MECR: variants seen among roughly 807,000 people sequenced by gnomAD.
MECR encodes the protein mitochondrial trans-2-enoyl-CoA reductase, also known as enoyl-[acyl-carrier-protein] reductase, mitochondrial.
In MECR, 37 loss-of-function variants were observed where a neutral mutation model predicts 49.1. That is an observed-to-expected ratio of 0.75 (90% CI 0.58 to 0.99). MECR has a LOEUF of 0.99. Ranked by LOEUF, MECR falls within the 50% of genes least tolerant of loss-of-function variation. The pLI, the probability that MECR is intolerant of heterozygous loss-of-function variation, is 0.00. For synonymous variants in MECR, 198 were observed against 191.1 expected, an observed-to-expected ratio of 1.04 and a Z score of -0.30; for missense variants, 470 against 479.6, an observed-to-expected ratio of 0.98 and a Z score of 0.19.
At chr1:29,175,049 T>G in the MECR span, among the ~76,000 whole-genome samples, 1 of 150,642 alleles carries the variant, frequency 6.6e-6, no homozygotes, top group Non-Finnish European at 1.5e-5. Flanking sequence ...CATACCTGTA[T>G]GTGAAAAAAA....
At chr1:29,209,107 T>C (rs1023173089) in intron 3 of MECR, among the ~76,000 whole-genome samples, 1 of 152,158 alleles carries the variant, frequency 6.6e-6, no homozygotes, top group South Asian at 2.1e-4. Context: ...GCAGGTGATA[T>C]TAGACTTTCA....
intron 7 of MECR, among the ~76,000 whole-genome samples, chr1:29,200,051 G>A (rs1160266506): frequency 6.6e-6 from 1 of 152,154 alleles, no homozygotes. Context: ...ATGAGCCACA[G>A]TGCCCAGCCA....
the MECR span, chr1:29,171,788 T>C: frequency 6.6e-6 from 1 of 152,212 alleles, no homozygotes; most frequent in Non-Finnish European, 1.5e-5. Context: ...ATCCTGTGCC[T>C]ATCTTTTAAG....
rs528776112 is a variant in MECR at position 29,207,986 on chromosome 1, T to C, written c.407-1081A>G. On this transcript the variant is annotated intron_variant, in intron 3 of 9. Coordinates refer to ENST00000263702, the MANE Select transcript of MECR (RefSeq NM_016011.5). ...CCTCATTCTTCTCATCCAGAGCAGG[T>C]TGACTCACATGTTTTTTTTTTTTAA... is the stretch of plus-strand genomic sequence containing the variant. Among the ~76,000 whole-genome samples, 11 of 152,106 alleles carry C rather than the reference T, an allele frequency of 7.2e-5. No homozygotes were observed. The South Asian group carries it at 1.9e-3, about 26-fold the overall frequency.
At chr1:29,217,302 CA>C (rs1267038637) in intron 1 of MECR, among the ~76,000 whole-genome samples, 11 of 150,856 alleles carry the variant, frequency 7.3e-5, no homozygotes, top group African/African-American at 2.7e-4. Flanking sequence ...CTCCGCCTCC[CA>C]GGTTCAAGCG....
At chr1:29,180,302 ACCCGCC>A in the MECR span, among the ~76,000 whole-genome samples, 1 of 151,744 alleles carries the variant, frequency 6.6e-6, no homozygotes, top group Admixed American at 6.6e-5. Flanking sequence ...AATAACGTCT[ACCCGCC>A]ACTTCAATAT....
At chr1:29,180,633 C>T in the MECR span, among the ~76,000 whole-genome samples, 2 of 152,172 alleles carry the variant, frequency 1.3e-5, no homozygotes, top group African/African-American at 4.8e-5. Context: ...AGTTCTCTAA[C>T]ACCCAAGGTT....
At chr1:29,219,777 A>G (rs945046727) in intron 1 of MECR, among the ~76,000 whole-genome samples, 4 of 152,220 alleles carry the variant, frequency 2.6e-5, no homozygotes, top group African/African-American at 7.2e-5. Flanking sequence ...TACTCAGGCT[A>G]AGTGGGATGA....
At chr1:29,208,766 A>G (rs1195811848) in intron 3 of MECR, among the ~76,000 whole-genome samples, 3 of 152,194 alleles carry the variant, frequency 2.0e-5, no homozygotes, top group Admixed American at 2.0e-4. Context: ...CAATACAGAC[A>G]GTTTCCTTAG....
chr1:29,181,562 G>A, the MECR span: 1 of 1,227,266 alleles, frequency 8.1e-7, no homozygotes, highest in Admixed American at 2.4e-5. Context: ...GCGCGGACCA[G>A]GCGTCCCTCT....
At chr1:29,196,302 C>A in intron 7 of MECR, 44 bp from the exon 8 acceptor site, 2 of 1,556,044 alleles carry the variant, frequency 1.3e-6, no homozygotes. Flanking sequence ...AAGGCAGAGA[C>A]AGAGCCCTTC....
rs763497928 is a variant in MECR at position 29,200,563 on chromosome 1, G to A, written c.783C>T (p.Leu261=). 5 of 1,613,814 alleles carry A rather than the reference G, an allele frequency of 3.1e-6. No individual in the cohort carries two copies. In the African/African-American group the frequency reaches 5.3e-5, roughly 17 times the overall value. ...FKDMPQPRLA[L]NCVGGKSSTE... Reference sequence around the variant, plus strand: ...TGGAGCTTTTCCCACCAACACAGTTGAGAGCAAGCCGTGGCTGGGGCATGT... The same window carrying A: ...TGGAGCTTTTCCCACCAACACAGTTAAGAGCAAGCCGTGGCTGGGGCATGT... The change falls in exon 7 of 10, where the codon CTC becomes CTT. Residue 261 remains leucine, a synonymous_variant. Transcript: ENST00000263702.
intron 3 of MECR, among the ~76,000 whole-genome samples, chr1:29,215,165 C>T (rs1255834538): frequency 6.6e-6 from 1 of 152,194 alleles, no homozygotes; most frequent in Non-Finnish European, 1.5e-5. Context: ...CAATCCTCTC[C>T]CATATGCAAA....
chr1:29,175,694 C>CAAAAA, the MECR span, among the ~76,000 whole-genome samples: 427 of 38,454 alleles, frequency 0.011, 50 homozygotes, highest in East Asian at 0.032. Context: ...GACGCTGTCT[C>CAAAAA]AAAAAAAAAA....
downstream of MECR, among the ~76,000 whole-genome samples, chr1:29,187,722 C>T (rs2151833882): frequency 6.6e-6 from 1 of 151,126 alleles, no homozygotes; most frequent in African/African-American, 2.4e-5. Flanking sequence ...GCCTCAGCCT[C>T]CCAAGTAGCT....
At chr1:29,219,605 A>G (rs903560072) in intron 1 of MECR, among the ~76,000 whole-genome samples, 9 of 152,204 alleles carry the variant, frequency 5.9e-5, no homozygotes, top group Non-Finnish European at 1.2e-4. Context: ...TTAGTTTGTG[A>G]AGCCATTTCA....
chr1:29,181,878 C>G, the MECR span: 3 of 682,198 alleles, frequency 4.4e-6, no homozygotes, highest in South Asian at 6.8e-5. Flanking sequence ...GCAGCCGAAC[C>G]CCGGCGACGT....
intron 1 of MECR, chr1:29,216,959 A>C (rs1440392068): frequency 6.4e-6 from 3 of 466,248 alleles, no homozygotes; most frequent in African/African-American, 2.0e-5. Context: ...ACATGGTGAA[A>C]ACCTGTCTCT....
At chr1:29,183,955 C>T in the MECR span, among the ~76,000 whole-genome samples, 2 of 150,426 alleles carry the variant, frequency 1.3e-5, no homozygotes, top group Non-Finnish European at 2.9e-5. Flanking sequence ...TCTCAGCTCA[C>T]TGCAACCTAC....
Sources: allele counts gnomAD v4.1 joint callset (sites outside exome capture counted in the v4.1 genomes callset), GRCh38; gene constraint gnomAD v4.1.1; transcripts MANE v1.5; gene names NCBI Gene and HGNC (gene_info 2026-07-23, HGNC 2026-07-21).